LIN7A: variants seen among roughly 807,000 people sequenced by gnomAD.
LIN7A encodes the protein lin-7 cell polarity scaffold A.
In LIN7A, 25 loss-of-function variants were observed where a neutral mutation model predicts 29.8. The ratio of observed to expected loss-of-function variants is 0.84; its 90% CI spans 0.61 to 1.17. LIN7A has a LOEUF of 1.17. Among genes scored for constraint, LIN7A ranks in the 50% most tolerant of loss-of-function variants. LIN7A has a pLI of 0.00. For synonymous variants in LIN7A, 118 were observed against 107.5 expected (o/e 1.10, Z -0.60); for missense variants, 239 against 287.0 (o/e 0.83, Z 1.21).
chr12:80,866,363 C>T (rs943547372), intron 2 of LIN7A, among the ~76,000 whole-genome samples: 9 of 152,098 alleles, frequency 5.9e-5, no homozygotes, highest in African/African-American at 2.2e-4. Context: ...ACTATGAAAG[C>T]ATTTTGTTGA....
chr12:80,852,360 G>T (rs564802029), intron 2 of LIN7A, among the ~76,000 whole-genome samples: 1 of 152,126 alleles, frequency 6.6e-6, no homozygotes, highest in East Asian at 1.9e-4. Context: ...AACCCTAATT[G>T]GTACAGAAAG....
At chr12:80,913,432 T>A (rs1022905693) in intron 1 of LIN7A, among the ~76,000 whole-genome samples, 2 of 152,004 alleles carry the variant, frequency 1.3e-5, no homozygotes, top group Admixed American at 1.3e-4. Flanking sequence ...TATAGGAGGG[T>A]GGTTTACAAG....
chr12:80,862,060 C>G (rs1256833407), intron 2 of LIN7A, among the ~76,000 whole-genome samples: 2 of 152,144 alleles, frequency 1.3e-5, no homozygotes, highest in Non-Finnish European at 2.9e-5. Flanking sequence ...CAAAATAGAT[C>G]TCTAAATAGA....
chr12:80,811,666 G>A lies in LIN7A; in HGVS notation c.501C>T (p.His167=). 6.2e-7 allele frequency: 1 copy of A among 1,611,062 alleles called. No individual in the cohort carries two copies. The highest frequency in any genetic ancestry group is 8.5e-7 in the Non-Finnish European group (1 of 1,177,494). Residue 167 remains histidine (H), a synonymous_variant, in exon 5 of 6, where the codon CAC becomes CAT. Transcript: ENST00000552864. The part of the protein sequence containing the change: ...SVNGVSVEGE[H]HEKAVELLKA... ...TGAGTAGTTCCACAGCTTTCTCATG[G>A]TGTTCTCCTTCCACACTCTGAAAAT...
chr12:80,877,843 G>T (rs1256766951), intron 2 of LIN7A, among the ~76,000 whole-genome samples: 2 of 151,492 alleles, frequency 1.3e-5, no homozygotes, highest in African/African-American at 2.4e-5. Context: ...AGCAAGAAAA[G>T]GTTAAATGAC....
chr12:80,921,746 A>C (rs1877320544), intron 1 of LIN7A, among the ~76,000 whole-genome samples: 1 of 152,134 alleles, frequency 6.6e-6, no homozygotes, highest in Non-Finnish European at 1.5e-5. Context: ...AGCCTATAAC[A>C]TACACCCATC....
intron 1 of LIN7A, among the ~76,000 whole-genome samples, chr12:80,902,214 T>G: frequency 1.1e-5 from 1 of 88,020 alleles, no homozygotes; most frequent in Non-Finnish European, 2.4e-5. Flanking sequence ...CATTGGTCTA[T>G]GTGTTTTTTT....
chr12:80,900,152 CTCT>C, intron 1 of LIN7A, among the ~76,000 whole-genome samples: 1 of 152,160 alleles, frequency 6.6e-6, no homozygotes, highest in Non-Finnish European at 1.5e-5. Context: ...TTTGGATCTT[CTCT>C]TTTTTTATTT....
At chr12:80,917,751 G>T (rs1365311668) in intron 1 of LIN7A, among the ~76,000 whole-genome samples, 1 of 150,910 alleles carries the variant, frequency 6.6e-6, no homozygotes, top group Admixed American at 6.6e-5. Flanking sequence ...CTTTTGTGTC[G>T]AGATCTCTCC....
Position 80,937,651 on chromosome 12 carries a change from G to T in LIN7A, c.72C>A (p.Thr24=). Residue 24 remains threonine (T), a synonymous_variant, in exon 1 of 6, where the codon ACC becomes ACA. Transcript: ENST00000552864. ...GAGCCGCTCCCTTACCTCTGTCCAG[G>T]GTGAGCGGCTGGACCACTGTCAATG... The part of the protein sequence containing the change: ...MATLTVVQPL[T]LDRDVARAIE... The T allele has an allele frequency of 6.4e-7, 1 of 1,566,514 alleles. No homozygotes were observed. Among genetic ancestry groups the T allele is most frequent in the African/African-American group, 1.4e-5 (1 of 72,946 alleles).
At chr12:80,834,385 A>C (rs1275030025) in intron 4 of LIN7A, among the ~76,000 whole-genome samples, 1 of 152,200 alleles carries the variant, frequency 6.6e-6, no homozygotes, top group Non-Finnish European at 1.5e-5. Context: ...CACCTCTGTA[A>C]ATAGAAAACA....
At chr12:80,799,792 T>C (rs1870626658) in intron 5 of LIN7A, among the ~76,000 whole-genome samples, 1 of 151,958 alleles carries the variant, frequency 6.6e-6, no homozygotes, top group Non-Finnish European at 1.5e-5. Flanking sequence ...AAGAAATCAA[T>C]GAAATTGAAA....
intron 1 of LIN7A, among the ~76,000 whole-genome samples, chr12:80,918,871 A>G (rs1237338532): frequency 6.6e-6 from 1 of 152,230 alleles, no homozygotes; most frequent in Non-Finnish European, 1.5e-5. Context: ...TAATGATCTC[A>G]TAAGATTATG....
At chr12:80,879,358 T>C (rs374025235) in intron 2 of LIN7A, among the ~76,000 whole-genome samples, 8 of 152,308 alleles carry the variant, frequency 5.3e-5, no homozygotes, top group African/African-American at 1.9e-4. Flanking sequence ...CTCATGTGTG[T>C]AAATGTTCAT....
chr12:80,892,589 C>T (rs770731907), intron 1 of LIN7A, among the ~76,000 whole-genome samples: 2 of 152,070 alleles, frequency 1.3e-5, no homozygotes, highest in Admixed American at 6.5e-5. Context: ...ATCTAGGGTG[C>T]ATTTAGAAGT....
Position 80,794,636 on chromosome 12 carries a change from A to G in LIN7A, c.*3091T>C, listed in dbSNP as rs939268034. 4 of 152,130 alleles carry G rather than the reference A, an allele frequency of 2.6e-5. No homozygotes were observed. The highest frequency in any genetic ancestry group is 2.6e-4 in the Admixed American group (4 of 15,258). The allele number at this position is 152,130 out of a possible 1,614,324, so 9.4% of individuals were successfully genotyped here. A position where few individuals can be genotyped will look rare whatever the true frequency, so the allele number is the denominator to read the frequency against. On this transcript the variant is annotated 3_prime_UTR_variant, in exon 6 of 6. Coordinates refer to ENST00000552864, the MANE Select transcript of LIN7A (RefSeq NM_004664.4). ...CCATCTCGAGCCAAGTTCTTTGGAG[A>G]CAGTCTAAAATCCTTAAAAAGCCTC... is the stretch of plus-strand genomic sequence containing the variant.
chr12:80,927,308 C>G (rs1388322161), intron 1 of LIN7A, among the ~76,000 whole-genome samples: 4 of 151,758 alleles, frequency 2.6e-5, no homozygotes, highest in Non-Finnish European at 5.9e-5. Flanking sequence ...ACTACAGGCG[C>G]CCGCCACCGC....
At chr12:80,865,487 T>C (rs1482423423) in intron 2 of LIN7A, among the ~76,000 whole-genome samples, 2 of 152,182 alleles carry the variant, frequency 1.3e-5, no homozygotes, top group African/African-American at 4.8e-5. Context: ...GGGATGAGAT[T>C]AACAATAGCT....
chr12:80,909,161 G>T (rs1876629982), intron 1 of LIN7A, among the ~76,000 whole-genome samples: 2 of 151,972 alleles, frequency 1.3e-5, no homozygotes, highest in Admixed American at 6.6e-5. Context: ...GTAAAGGATT[G>T]AGGTTCAATT....
Sources: gnomAD v4.1 joint callset for allele counts (sites outside exome capture counted in the v4.1 genomes callset) on GRCh38, gnomAD v4.1.1 for gene constraint, MANE v1.5 for transcripts, NCBI Gene and HGNC (gene_info 2026-07-23, HGNC 2026-07-21) for gene names.